ZMYND8: variants seen among roughly 807,000 people sequenced by gnomAD.
ZMYND8 encodes MYND-type zinc finger-containing chromatin reader ZMYND8.
ZMYND8 carries 37 observed loss-of-function variants against 140.8 expected under a neutral mutation model. The observed-to-expected ratio is 0.26, with a 90% CI of 0.20 to 0.35. ZMYND8 has a LOEUF of 0.35. Among genes scored for constraint, ZMYND8 ranks in the 10% least tolerant of loss-of-function variants. The pLI, the probability that ZMYND8 is intolerant of heterozygous loss-of-function variation, is 1.00. For missense variants in ZMYND8, 1,068 were observed against 1,570.0 expected (o/e 0.68, Z 5.40); for synonymous variants, 592 against 597.1 (o/e 0.99, Z 0.12).
At chr20:47,242,801 T>C (rs766098620) in intron 14 of ZMYND8, among the ~76,000 whole-genome samples, 12 of 152,218 alleles carry the variant, frequency 7.9e-5, no homozygotes, top group East Asian at 1.9e-4. Flanking sequence ...CCAGGAATCC[T>C]GATGGTTTAT....
chr20:47,216,395 T>C (rs1355496971), intron 21 of ZMYND8, among the ~76,000 whole-genome samples: 1 of 145,488 alleles, frequency 6.9e-6, no homozygotes, highest in Non-Finnish European at 1.5e-5. Context: ...CTCAGGAGGC[T>C]GAGGCAGGAG....
intron 3 of ZMYND8, among the ~76,000 whole-genome samples, chr20:47,305,667 A>T (rs1278782327): frequency 6.6e-6 from 1 of 152,092 alleles, no homozygotes; most frequent in Non-Finnish European, 1.5e-5. Context: ...TGATATGCAG[A>T]CACCCTGTCC....
chr20:47,213,681 A>G (rs938242017), intron 21 of ZMYND8, among the ~76,000 whole-genome samples: 24 of 152,250 alleles, frequency 1.6e-4, no homozygotes. Context: ...TACTGTCTGT[A>G]GCAGACAGAA....
chr20:47,310,254 G>A (rs2078820378), intron 2 of ZMYND8, 50 bp from the exon 3 acceptor site: 2 of 1,545,042 alleles, frequency 1.3e-6, no homozygotes, highest in East Asian at 4.5e-5. Context: ...GGAGGCCTGG[G>A]CCCCACAGGG....
At chr20:47,230,553 CA>C (rs2038336054) in intron 16 of ZMYND8, among the ~76,000 whole-genome samples, 1 of 152,090 alleles carries the variant, frequency 6.6e-6, no homozygotes, top group South Asian at 2.1e-4. Context: ...CTCGGCCTCC[CA>C]AAGTGCTGAA....
At chr20:47,293,381 A>G (rs2077427608) in intron 5 of ZMYND8, among the ~76,000 whole-genome samples, 1 of 152,222 alleles carries the variant, frequency 6.6e-6, no homozygotes. Context: ...TAAATATACA[A>G]ACCACAGTGG....
rs2039583424 is a variant in ZMYND8, at chr20:47,238,808, T to C, written c.2615A>G (p.Gln872Arg). The C allele has an allele frequency of 1.2e-6, 2 of 1,613,092 alleles. No individual in the cohort carries two copies. The highest frequency in any genetic ancestry group is 1.7e-6 in the Non-Finnish European group (2 of 1,179,990). ...TCTCGTCCCCTGGGAAGACTGAGGC[T>C]GCTGCTGCTGGTTTTGCTGCTGCTG... ...QQQQQQNQQQQPQSSQGTRYQ... is the reference protein window; with the variant it reads ...QQQQQQNQQQRPQSSQGTRYQ... The change falls in exon 15 of 23, where the codon CAG (glutamine) becomes CGG (arginine). Residue 872 changes from glutamine (Q) to arginine (R), a missense_variant. Gln to Arg is a conservative substitution (Grantham distance 43). This residue lies in a region of ZMYND8 where 383 missense variants were observed against 431.2 expected (regional missense o/e 0.89). Transcript: ENST00000471951.
chr20:47,210,898 C>T lies in ZMYND8; in HGVS notation c.3569-1G>A. 6.2e-7 allele frequency: 1 copy of T among 1,613,348 alleles called. No homozygotes were observed. Among genetic ancestry groups the T allele is most frequent in the Non-Finnish European group, 8.5e-7 (1 of 1,179,384 alleles). On this transcript the variant is annotated splice_acceptor_variant, in intron 22 of 22. Coordinates refer to ENST00000471951, the MANE Select transcript of ZMYND8 (RefSeq NM_001281775.3). LOFTEE classifies it high-confidence loss of function. ...CTGGATTTATTACTCCGGGAATGGT[C>T]TGAGGGGGAAAACCAATGTGTTTAG...
intron 2 of ZMYND8, among the ~76,000 whole-genome samples, chr20:47,311,036 G>C (rs530878414): frequency 2.8e-4 from 43 of 152,270 alleles, no homozygotes; most frequent in Middle Eastern, 6.8e-3. Context: ...AACCAAAGAA[G>C]ATAGACCAGG....
chr20:47,289,209 C>T (rs995230767), intron 7 of ZMYND8, among the ~76,000 whole-genome samples: 7 of 152,066 alleles, frequency 4.6e-5, no homozygotes, highest in Non-Finnish European at 7.4e-5. Flanking sequence ...GGAAAAGATA[C>T]GCAATACCAC....
chr20:47,252,110 A>G (rs2074233364), intron 12 of ZMYND8, among the ~76,000 whole-genome samples: 1 of 152,042 alleles, frequency 6.6e-6, no homozygotes, highest in South Asian at 2.1e-4. Flanking sequence ...CCTGGCTAAC[A>G]TGGTGAAATC....
chr20:47,356,240 G>C, intron 1 of ZMYND8: 1 of 818,210 alleles, frequency 1.2e-6, no homozygotes, highest in Non-Finnish European at 1.7e-6. Context: ...CCCCCAGCAG[G>C]GCATGTGGCA....
chr20:47,218,457 C>CTT (rs1391940450), intron 21 of ZMYND8, among the ~76,000 whole-genome samples: 1 of 152,160 alleles, frequency 6.6e-6, no homozygotes, highest in Admixed American at 6.6e-5. Flanking sequence ...ACTTATGTAA[C>CTT]TTAGGTAAAT....
At chr20:47,214,660 A>AT (rs1220608407) in intron 21 of ZMYND8, among the ~76,000 whole-genome samples, 5 of 152,006 alleles carry the variant, frequency 3.3e-5, no homozygotes, top group South Asian at 2.1e-4. Context: ...CGCCTAGCTA[A>AT]TTTTTTGTAC....
At chr20:47,330,225 C>T (rs536670245) in intron 2 of ZMYND8, among the ~76,000 whole-genome samples, 13 of 152,222 alleles carry the variant, frequency 8.5e-5, no homozygotes, top group Middle Eastern at 3.4e-3. Flanking sequence ...AAGACAGATG[C>T]TGCAGGACCC....
At chr20:47,262,517 A>T in intron 11 of ZMYND8, 89 bp from the exon 12 acceptor site, 1 of 1,542,782 alleles carries the variant, frequency 6.5e-7, no homozygotes, top group Non-Finnish European at 8.8e-7. Flanking sequence ...TGGAGAGATT[A>T]TGAAATTGTG....
intron 2 of ZMYND8, among the ~76,000 whole-genome samples, chr20:47,325,050 G>A (rs958519740): frequency 2.8e-4 from 43 of 151,924 alleles, no homozygotes; most frequent in African/African-American, 8.7e-4. Flanking sequence ...GACTACAGGC[G>A]TGCGCCACCA....
In ZMYND8 at chr20:47,212,634, A is replaced by G. The variant is rs1401656363; in HGVS notation, c.3568+8T>C. 1.2e-6 allele frequency: 2 copies of G among 1,613,708 alleles called. No homozygotes were observed. Among genetic ancestry groups the G allele is most frequent in the Non-Finnish European group, 1.7e-6 (2 of 1,179,768 alleles). On this transcript the variant is annotated splice_region_variant and intron_variant, in intron 22 of 22. Coordinates refer to ENST00000471951, the MANE Select transcript of ZMYND8 (RefSeq NM_001281775.3). ...CCGGCAGCTTTCGTAAGACAGGTTC[A>G]TACTTACACTTCTGGGCGGGGTAGT... is the stretch of plus-strand genomic sequence containing the variant.
chr20:47,332,320 A>G (rs1221886145), intron 2 of ZMYND8, among the ~76,000 whole-genome samples: 1 of 152,036 alleles, frequency 6.6e-6, no homozygotes, highest in Non-Finnish European at 1.5e-5. Context: ...CAAAAAAAAA[A>G]TAAGTTTGGC....
Sources: allele counts gnomAD v4.1 joint callset (sites outside exome capture counted in the v4.1 genomes callset), GRCh38; gene constraint gnomAD v4.1.1; regional missense constraint gnomAD v4.1.1; transcripts MANE v1.5; gene names NCBI Gene and HGNC (gene_info 2026-07-23, HGNC 2026-07-21).